CREB5: variants seen among roughly 807,000 people sequenced by gnomAD.
The protein encoded by CREB5 is cAMP responsive element binding protein 5, also known as cyclic AMP-responsive element-binding protein 5.
CREB5 carries 19 observed loss-of-function variants against 57.1 expected under a neutral mutation model. The observed-to-expected ratio is 0.33, with a 90% CI of 0.23 to 0.49. The LOEUF is 0.49. Ranked by LOEUF, CREB5 falls within the 20% of genes least tolerant of loss-of-function variation. The pLI, the probability that CREB5 is intolerant of heterozygous loss-of-function variation, is 0.99. For synonymous variants in CREB5, 238 were observed against 238.3 expected (o/e 1.00, Z 0.01); for missense variants, 579 against 671.6 (o/e 0.86, Z 1.52).
chr7:28,630,782 C>T (rs1798171585), intron 5 of CREB5, among the ~76,000 whole-genome samples: 1 of 152,162 alleles, frequency 6.6e-6, no homozygotes, highest in Admixed American at 6.5e-5. Context: ...TTGATCACCA[C>T]CCTACTTGCT....
chr7:28,476,856 GT>G (rs776151530), intron 1 of CREB5, among the ~76,000 whole-genome samples: 52 of 148,140 alleles, frequency 3.5e-4, no homozygotes, highest in Non-Finnish European at 6.7e-4. Context: ...TAATGAAACA[GT>G]TTTGCTTTCT....
chr7:28,759,900 C>G (rs946627772), intron 7 of CREB5, among the ~76,000 whole-genome samples: 1 of 152,152 alleles, frequency 6.6e-6, no homozygotes, highest in African/African-American at 2.4e-5. Context: ...AAATGGAAAG[C>G]TTGCCAATTC....
intron 5 of CREB5, among the ~76,000 whole-genome samples, chr7:28,587,172 T>C (rs754662834): frequency 1.1e-4 from 17 of 152,212 alleles, no homozygotes; most frequent in Non-Finnish European, 1.8e-4. Context: ...GAAAGTACAG[T>C]ACAACAAGAT....
chr7:28,479,193 C>T (rs1444238246), intron 1 of CREB5, among the ~76,000 whole-genome samples: 1 of 152,092 alleles, frequency 6.6e-6, no homozygotes, highest in Non-Finnish European at 1.5e-5. Flanking sequence ...GTTGTGGGTA[C>T]TTATACTCTA....
intron 4 of CREB5, among the ~76,000 whole-genome samples, chr7:28,550,796 G>T (rs1408879896): frequency 6.6e-6 from 1 of 152,124 alleles, no homozygotes; most frequent in Non-Finnish European, 1.5e-5. Flanking sequence ...GCTATTAAGG[G>T]ACTGTAAATT....
chr7:28,379,883 C>A (rs114690052), intron 1 of CREB5, among the ~76,000 whole-genome samples: 76 of 152,216 alleles, frequency 5.0e-4, no homozygotes, highest in African/African-American at 1.7e-3. Context: ...AGGAGGAGTT[C>A]GGAAATCAGT....
chr7:28,579,072 A>G (rs1375801621), intron 5 of CREB5, among the ~76,000 whole-genome samples: 2 of 152,200 alleles, frequency 1.3e-5, no homozygotes, highest in Non-Finnish European at 2.9e-5. Context: ...TGTACCATGC[A>G]TGAGCTCTAG....
In CREB5 at chr7:28,660,381, GT is replaced by G. The variant is rs10696255; in HGVS notation, c.465-58352del. On this transcript the variant is annotated intron_variant, in intron 5 of 10. Coordinates refer to ENST00000357727, the MANE Select transcript of CREB5 (RefSeq NM_182898.4). ...CAAACTATCATCTATGCATTCAACAGTTTTTTTTTTTTTTTTTTTTGAGCAT... is the reference window on the plus strand; with the variant it reads ...CAAACTATCATCTATGCATTCAACAGTTTTTTTTTTTTTTTTTTTGAGCAT... Among the ~76,000 whole-genome samples, 214 of 119,240 alleles carry G rather than the reference GT, an allele frequency of 1.8e-3. No homozygotes were observed. The South Asian group carries it at 0.019, about 11-fold the overall frequency. The allele number at this position is 119,240 out of a possible 152,430, so 78.2% of individuals were successfully genotyped here. A position where few individuals can be genotyped will look rare whatever the true frequency, so the allele number is the denominator to read the frequency against.
intron 1 of CREB5, among the ~76,000 whole-genome samples, chr7:28,299,835 C>G (rs890695184): frequency 1.3e-5 from 2 of 152,138 alleles, no homozygotes; most frequent in Middle Eastern, 3.2e-3. Flanking sequence ...CCAGGGCAAA[C>G]TAATATACAC....
chr7:28,461,138 G>A (rs1190470340), intron 1 of CREB5, among the ~76,000 whole-genome samples: 2 of 151,596 alleles, frequency 1.3e-5, no homozygotes, highest in Non-Finnish European at 2.9e-5. Context: ...CAGGAGTACC[G>A]TTTGGGTCCA....
intron 1 of CREB5, among the ~76,000 whole-genome samples, chr7:28,385,186 TTGA>T (rs998153175): frequency 7.2e-5 from 11 of 152,192 alleles, no homozygotes; most frequent in African/African-American, 2.7e-4. Flanking sequence ...TATTAACCAG[TTGA>T]AAGATAAAGA....
At chr7:28,504,512 T>A (rs1176617141) in intron 3 of CREB5, among the ~76,000 whole-genome samples, 1 of 152,232 alleles carries the variant, frequency 6.6e-6, no homozygotes, top group Middle Eastern at 3.2e-3. Context: ...GTTTCAGGCC[T>A]TCCACTCACT....
intron 7 of CREB5, among the ~76,000 whole-genome samples, chr7:28,742,052 T>A (rs1295804081): frequency 5.2e-5 from 6 of 116,118 alleles, no homozygotes; most frequent in African/African-American, 2.1e-4. Context: ...AGCAACAGAG[T>A]GAGATTCCCT....
intron 5 of CREB5, among the ~76,000 whole-genome samples, chr7:28,575,097 G>C (rs1307993910): frequency 6.6e-6 from 1 of 152,160 alleles, no homozygotes; most frequent in Non-Finnish European, 1.5e-5. Flanking sequence ...TGCAATCCCA[G>C]ATGCTATGTG....
intron 6 of CREB5, among the ~76,000 whole-genome samples, chr7:28,723,064 A>G (rs974359167): frequency 7.2e-5 from 11 of 152,212 alleles, no homozygotes; most frequent in African/African-American, 2.4e-4. Flanking sequence ...AATAGCAAGC[A>G]ACTCCGTATT....
intron 1 of CREB5, among the ~76,000 whole-genome samples, chr7:28,467,455 T>C (rs1194630476): frequency 1.3e-5 from 2 of 152,216 alleles, no homozygotes; most frequent in African/African-American, 4.8e-5. Flanking sequence ...ACAGGTTTCA[T>C]TCCAATAAGT....
At position 28,821,552 on chromosome 7, in the gene CREB5, C is replaced by T. The variant is rs1251734481; in HGVS notation, c.*2273C>T. 1.3e-5 allele frequency: 2 copies of T among 151,510 alleles called. No homozygotes were observed. The highest frequency in any genetic ancestry group is 2.9e-5 in the Non-Finnish European group (2 of 67,912). The allele number at this position is 151,510 out of a possible 1,614,324, so 9.4% of individuals were successfully genotyped here. ...ATATTTTAGACAAACATATCATTTT[C>T]GAGTATTTTAAATACTGAATTCATA... On this transcript the variant is annotated 3_prime_UTR_variant, in exon 11 of 11. Transcript: ENST00000357727.
chr7:28,308,861 T>G (rs1216129830), intron 1 of CREB5, among the ~76,000 whole-genome samples: 1 of 152,246 alleles, frequency 6.6e-6, no homozygotes, highest in Non-Finnish European at 1.5e-5. Flanking sequence ...GGCCATGGGA[T>G]GCCCAAATAT....
At chr7:28,527,012 G>T (rs777742781) in intron 4 of CREB5, among the ~76,000 whole-genome samples, 19 of 152,164 alleles carry the variant, frequency 1.2e-4, no homozygotes, top group Non-Finnish European at 2.6e-4. Context: ...ATTAAACCAA[G>T]GGTGGGTGGC....
Sources: allele counts gnomAD v4.1 joint callset (sites outside exome capture counted in the v4.1 genomes callset), GRCh38; gene constraint gnomAD v4.1.1; transcripts MANE v1.5; gene names NCBI Gene and HGNC (gene_info 2026-07-23, HGNC 2026-07-21).